THEMIS: variants seen among roughly 807,000 people sequenced by gnomAD.
The protein encoded by THEMIS is thymocyte selection associated.
A neutral mutation model predicts 52.6 loss-of-function variants in THEMIS; 37 were observed. That is an observed-to-expected ratio of 0.70 (90% confidence interval 0.54 to 0.93). THEMIS has a LOEUF of 0.93. THEMIS is among the 40% of genes least tolerant of loss of function. The pLI, the probability that THEMIS is intolerant of heterozygous loss-of-function variation, is 0.00. For synonymous variants in THEMIS, 292 were observed against 272.7 expected, an observed-to-expected ratio of 1.07 and a Z score of -0.70; for missense variants, 808 against 763.1, an observed-to-expected ratio of 1.06 and a Z score of -0.69.
intron 3 of THEMIS, among the ~76,000 whole-genome samples, chr6:127,817,952 A>C (rs1379858052): frequency 1.3e-5 from 2 of 152,204 alleles, no homozygotes; most frequent in African/African-American, 4.8e-5. Flanking sequence ...AGAAGCAACT[A>C]TTCTGAAACA....
intron 1 of THEMIS, among the ~76,000 whole-genome samples, chr6:127,864,979 T>G (rs1489591985): frequency 6.6e-6 from 1 of 152,108 alleles, no homozygotes; most frequent in African/African-American, 2.4e-5. Context: ...TGGAGTCACA[T>G]GGACAGGGCA....
At chr6:127,749,398 T>C (rs954392135) in intron 4 of THEMIS, among the ~76,000 whole-genome samples, 3 of 152,052 alleles carry the variant, frequency 2.0e-5, no homozygotes, top group Non-Finnish European at 4.4e-5. Context: ...AAAGTCTTCA[T>C]GAAACCAGAT....
chr6:127,729,028 C>T (rs956178990), intron 4 of THEMIS, among the ~76,000 whole-genome samples: 1 of 152,046 alleles, frequency 6.6e-6, no homozygotes, highest in Non-Finnish European at 1.5e-5. Flanking sequence ...TCTTCCTTGC[C>T]TCACTTGTTT....
At chr6:127,842,584 A>G (rs1447169181) in intron 2 of THEMIS, among the ~76,000 whole-genome samples, 1 of 151,964 alleles carries the variant, frequency 6.6e-6, no homozygotes, top group African/African-American at 2.4e-5. Context: ...TCTCCGTAGC[A>G]TTTCTATACG....
At chr6:127,808,758 A>G (rs1053869781) in intron 4 of THEMIS, among the ~76,000 whole-genome samples, 1 of 152,134 alleles carries the variant, frequency 6.6e-6, no homozygotes, top group African/African-American at 2.4e-5. Flanking sequence ...TTCTACACCA[A>G]TCTATTTTTT....
intron 4 of THEMIS, among the ~76,000 whole-genome samples, chr6:127,773,430 C>T (rs1049490712): frequency 5.3e-5 from 8 of 152,128 alleles, no homozygotes; most frequent in Non-Finnish European, 1.2e-4. Flanking sequence ...AATTAGAACG[C>T]TGTTAAAAAC....
intron 2 of THEMIS, among the ~76,000 whole-genome samples, chr6:127,839,506 T>A (rs961330044): frequency 3.3e-5 from 5 of 152,064 alleles, no homozygotes; most frequent in African/African-American, 4.8e-5. Flanking sequence ...CCTCTTTTTT[T>A]AATTTTCAAT....
chr6:127,771,708 C>T lies in THEMIS; in HGVS notation c.1758+41175G>A, dbSNP rs560363836. On this transcript the variant is annotated intron_variant, in intron 4 of 5. Coordinates refer to ENST00000368248, the MANE Select transcript of THEMIS (RefSeq NM_001010923.3). ...TTAGAACTGTGAAAATCATTAATTA[C>T]AATTCACTTAAGCATTGATTGTTTA... Among the ~76,000 whole-genome samples the T allele has an allele frequency of 7.2e-5, 11 of 152,244 alleles. No homozygotes were observed. In the South Asian group the frequency reaches 1.7e-3, roughly 23 times the overall value.
rs149110902 is a variant in THEMIS, at chr6:127,801,690, C to T, written c.1758+11193G>A. Among the ~76,000 whole-genome samples, 33 of 152,220 alleles carry T rather than the reference C, an allele frequency of 2.2e-4. 2 individuals are homozygous for T. In the East Asian group the frequency reaches 3.9e-3, roughly 18 times the overall value. The stretch of plus-strand genomic sequence containing the variant: ...CCTTTGTCTGAGGAGATAAACCCTG[C>T]GCTGCCTGAGGCAACGGTGATGGCC... On this transcript the variant is annotated intron_variant, in intron 4 of 5. Coordinates refer to ENST00000368248, the MANE Select transcript of THEMIS (RefSeq NM_001010923.3).
intron 4 of THEMIS, among the ~76,000 whole-genome samples, chr6:127,752,759 G>T (rs1055311797): frequency 3.3e-5 from 5 of 151,628 alleles, no homozygotes; most frequent in African/African-American, 1.2e-4. Flanking sequence ...AAAGAAAAAT[G>T]AACACCAATT....
At chr6:127,796,427 T>C (rs1340371735) in intron 4 of THEMIS, among the ~76,000 whole-genome samples, 2 of 152,184 alleles carry the variant, frequency 1.3e-5, no homozygotes, top group Admixed American at 1.3e-4. Context: ...AATTGATAGC[T>C]TGAGGCACTA....
intron 4 of THEMIS, among the ~76,000 whole-genome samples, chr6:127,759,726 A>C (rs1775951307): frequency 6.6e-6 from 1 of 151,882 alleles, no homozygotes; most frequent in African/African-American, 2.4e-5. Context: ...GGATTATTTA[A>C]AAGGTTTTTC....
At chr6:127,769,306 T>C (rs1215843515) in intron 4 of THEMIS, among the ~76,000 whole-genome samples, 1 of 152,162 alleles carries the variant, frequency 6.6e-6, no homozygotes, top group East Asian at 1.9e-4. Flanking sequence ...ACTTCTAAGA[T>C]TGTTGTGTTT....
At chr6:127,766,100 G>A (rs1485992902) in intron 4 of THEMIS, among the ~76,000 whole-genome samples, 1 of 152,102 alleles carries the variant, frequency 6.6e-6, no homozygotes, top group Non-Finnish European at 1.5e-5. Flanking sequence ...TCAATTGACA[G>A]TATATATTTG....
At chr6:127,817,373 T>C (rs1778172286) in intron 3 of THEMIS, among the ~76,000 whole-genome samples, 1 of 152,232 alleles carries the variant, frequency 6.6e-6, no homozygotes, top group Non-Finnish European at 1.5e-5. Flanking sequence ...CCTGCTACTA[T>C]TCATAGCAGC....
downstream of THEMIS, chr6:127,708,180 T>C (rs1231863007): frequency 1.3e-5 from 2 of 152,090 alleles, no homozygotes; most frequent in Non-Finnish European, 2.9e-5. Context: ...GAGTTAAACA[T>C]AGAAGAGAAC....
intron 1 of THEMIS, among the ~76,000 whole-genome samples, chr6:127,870,100 C>T (rs766469214): frequency 6.6e-6 from 1 of 152,194 alleles, no homozygotes; most frequent in Non-Finnish European, 1.5e-5. Flanking sequence ...TGGACTTCCA[C>T]TCCCATTCGT....
intron 4 of THEMIS, among the ~76,000 whole-genome samples, chr6:127,773,406 GT>G: frequency 6.6e-6 from 1 of 152,194 alleles, no homozygotes; most frequent in African/African-American, 2.4e-5. Flanking sequence ...TTTTTATCCA[GT>G]TTTTACCATT....
intron 1 of THEMIS, among the ~76,000 whole-genome samples, chr6:127,877,292 A>C (rs1428171087): frequency 6.6e-6 from 1 of 152,186 alleles, no homozygotes. Context: ...TCATTCATAT[A>C]TTCACTGGAG....
Sources: allele counts gnomAD v4.1 joint callset (sites outside exome capture counted in the v4.1 genomes callset), GRCh38; gene constraint gnomAD v4.1.1; transcripts MANE v1.5; gene names NCBI Gene and HGNC (gene_info 2026-07-23, HGNC 2026-07-21).